The following NCOA1 variants were observed in gnomAD, a reference collection of about 807,000 sequenced individuals.
NCOA1 encodes nuclear receptor coactivator 1, also known as Hin-2 protein.
NCOA1 carries 35 observed loss-of-function variants against 150.9 expected under a neutral mutation model. That is an observed-to-expected ratio of 0.23 (90% CI 0.18 to 0.31). The LOEUF is 0.31. Ranked by LOEUF, NCOA1 falls within the 10% of genes least tolerant of loss-of-function variation. The pLI is 1.00. For missense variants in NCOA1, 1,491 were observed against 1,749.3 expected (o/e 0.85, Z 2.63); for synonymous variants, 590 against 630.0 (o/e 0.94, Z 0.95).
intron 17 of NCOA1, among the ~76,000 whole-genome samples, chr2:24,731,578 G>A (rs916104918): frequency 1.3e-5 from 2 of 151,890 alleles, no homozygotes; most frequent in African/African-American, 4.8e-5. Flanking sequence ...AACTAAGAAA[G>A]GGAAATTTTT....
At position 24,750,000 on chromosome 2, in the gene NCOA1, C is replaced by T. The variant is rs558547348; in HGVS notation, c.3707-1982C>T. 2.0e-5 allele frequency among the ~76,000 whole-genome samples: 3 copies of T among 152,020 alleles called. No individual in the cohort carries two copies. The East Asian group carries it at 5.8e-4, about 29-fold the overall frequency. Reference sequence around the variant, plus strand: ...AGATATAAATAAAACCCAAGTCAAACTTCTGGAGATGAAAACTACAGTGTC... The same window carrying T: ...AGATATAAATAAAACCCAAGTCAAATTTCTGGAGATGAAAACTACAGTGTC... On this transcript the variant is annotated intron_variant, in intron 19 of 22. Coordinates refer to ENST00000348332, the MANE Select transcript of NCOA1 (RefSeq NM_003743.5).
intron 3 of NCOA1, among the ~76,000 whole-genome samples, chr2:24,598,164 T>C (rs1354673711): frequency 6.6e-6 from 1 of 152,218 alleles, no homozygotes; most frequent in South Asian, 2.1e-4. Context: ...AAAGAATACC[T>C]TCTCCCAGAC....
At chr2:24,565,968 A>G (rs72805222) in intron 2 of NCOA1, among the ~76,000 whole-genome samples, 7,894 of 152,244 alleles carry the variant, frequency 0.052, 291 homozygotes, top group East Asian at 0.19. Flanking sequence ...CCCTGGCTCA[A>G]GGAACTCCTA....
chr2:24,736,643 T>C (rs1663321148), intron 17 of NCOA1, among the ~76,000 whole-genome samples: 1 of 152,360 alleles, frequency 6.6e-6, no homozygotes, highest in African/African-American at 2.4e-5. Context: ...TACTTTTGTC[T>C]TTGCAAGAAT....
At chr2:24,546,581 T>C (rs1665613548) in intron 1 of NCOA1, among the ~76,000 whole-genome samples, 1 of 152,258 alleles carries the variant, frequency 6.6e-6, no homozygotes. Flanking sequence ...ACTTATAACC[T>C]GGAAAACATG....
chr2:24,572,847 C>T (rs930539227), intron 2 of NCOA1, among the ~76,000 whole-genome samples: 6 of 152,144 alleles, frequency 3.9e-5, no homozygotes, highest in Non-Finnish European at 8.8e-5. Context: ...ATTGAAATTG[C>T]ATCACCAATT....
rs998644325 is a variant in NCOA1, at chr2:24,543,563, G to A, written c.-395-20732G>A. 2.0e-5 allele frequency among the ~76,000 whole-genome samples: 3 copies of A among 152,076 alleles called. No homozygotes were observed. The South Asian group carries it at 6.2e-4, about 32-fold the overall frequency. On this transcript the variant is annotated intron_variant, in intron 1 of 22. Coordinates refer to ENST00000348332, the MANE Select transcript of NCOA1 (RefSeq NM_003743.5). ...AAATAAACAGATACTACAATGTAGT[G>A]TGATGGTTGCTACAGTGGATGGACC... is the stretch of plus-strand genomic sequence containing the variant.
chr2:24,740,186 C>A (rs1049502931), intron 18 of NCOA1, among the ~76,000 whole-genome samples: 2 of 152,140 alleles, frequency 1.3e-5, no homozygotes, highest in African/African-American at 4.8e-5. Flanking sequence ...CTCTTTTCCT[C>A]TCCACAATAT....
At chr2:24,735,404 A>T (rs1374531979) in intron 17 of NCOA1, among the ~76,000 whole-genome samples, 1 of 152,224 alleles carries the variant, frequency 6.6e-6, no homozygotes, top group Non-Finnish European at 1.5e-5. Context: ...TAAGCATCTC[A>T]TAGCAAGAAT....
intron 1 of NCOA1, among the ~76,000 whole-genome samples, chr2:24,512,462 G>A (rs772219933): frequency 2.6e-5 from 4 of 152,108 alleles, no homozygotes; most frequent in South Asian, 2.1e-4. Flanking sequence ...TATTCCTAAA[G>A]CAATTCAGTT....
intron 1 of NCOA1, among the ~76,000 whole-genome samples, chr2:24,548,149 A>C (rs1344267932): frequency 6.6e-6 from 1 of 152,178 alleles, no homozygotes; most frequent in Non-Finnish European, 1.5e-5. Flanking sequence ...GGCAATTTAC[A>C]AAAGAGAGAG....
Position 24,752,034 on chromosome 2 carries a change from C to G in NCOA1, c.3759C>G (p.Ser1253Arg). ...TTGCTCCATCTCTAAGCCCTGGGAG[C>G]TCCATGGTGCCGATGCCAATCCCTC... ...ANFAPSLSPG[S>R]SMVPMPIPPP... is the part of the protein sequence containing the mutation. Residue 1253 changes from serine (S) to arginine (R), a missense_variant, in exon 20 of 23, where the codon AGC (serine) becomes AGG (arginine). Ser to Arg is a moderately radical substitution (Grantham distance 110). Transcript: ENST00000348332. 6.2e-7 allele frequency: 1 copy of G among 1,614,090 alleles called. No individual in the cohort carries two copies.
intron 3 of NCOA1, among the ~76,000 whole-genome samples, chr2:24,598,709 GTTAA>G (rs1250637706): frequency 6.6e-6 from 1 of 152,076 alleles, no homozygotes; most frequent in Non-Finnish European, 1.5e-5. Context: ...ACTTCTAGGA[GTTAA>G]TTAGGAAGGA....
chr2:24,702,914 C>A (rs1673231568), intron 11 of NCOA1, among the ~76,000 whole-genome samples: 1 of 152,204 alleles, frequency 6.6e-6, no homozygotes, highest in Non-Finnish European at 1.5e-5. Flanking sequence ...CCTTACTCAT[C>A]TCTTAATTCA....
chr2:24,605,612 G>C (rs1668330349), intron 3 of NCOA1, among the ~76,000 whole-genome samples: 1 of 152,138 alleles, frequency 6.6e-6, no homozygotes, highest in Non-Finnish European at 1.5e-5. Flanking sequence ...TATGGGGTTT[G>C]TGCATATTCA....
chr2:24,765,242 G>A (rs572910139), intron 22 of NCOA1, among the ~76,000 whole-genome samples: 1 of 151,790 alleles, frequency 6.6e-6, no homozygotes, highest in East Asian at 1.9e-4. Context: ...GGTGGCTCAC[G>A]CCTGTAATCC....
chr2:24,567,827 T>C (rs931996304), intron 2 of NCOA1, among the ~76,000 whole-genome samples: 8 of 152,208 alleles, frequency 5.3e-5, no homozygotes, highest in Admixed American at 3.3e-4. Flanking sequence ...CTTGGCTCAC[T>C]GCAACCTCCG....
chr2:24,604,628 T>C (rs539622257), intron 3 of NCOA1, among the ~76,000 whole-genome samples: 12 of 152,344 alleles, frequency 7.9e-5, no homozygotes, highest in Middle Eastern at 3.4e-3. Flanking sequence ...CTTCATAGAA[T>C]TGAAGATAGT....
chr2:24,699,566 G>A (rs4578807), intron 11 of NCOA1, among the ~76,000 whole-genome samples: 115,753 of 151,594 alleles, frequency 0.76, 45,757 homozygotes, highest in Admixed American at 0.86. Context: ...TTTTTTTAGG[G>A]AAAAAAAATC....
Sources: gnomAD v4.1 joint callset for allele counts (sites outside exome capture counted in the v4.1 genomes callset) on GRCh38, gnomAD v4.1.1 for gene constraint, MANE v1.5 for transcripts, NCBI Gene and HGNC (gene_info 2026-07-23, HGNC 2026-07-21) for gene names.